Variants in GRAMD1B observed in about 807,000 individuals in gnomAD.
GRAMD1B encodes protein Aster-B.
GRAMD1B carries 37 observed loss-of-function variants against 99.7 expected under a neutral mutation model. The ratio of observed to expected loss-of-function variants is 0.37; its 90% CI spans 0.29 to 0.49. The LOEUF is 0.49. GRAMD1B is among the 20% of genes least tolerant of loss of function. The probability of loss-of-function intolerance (pLI) is 0.98; values close to 1 mark genes in which losing one functional copy is unlikely to be tolerated. For missense variants in GRAMD1B, 888 were observed against 1,009.2 expected, an observed-to-expected ratio of 0.88 and a Z score of 1.63; for synonymous variants, 427 against 387.6, an observed-to-expected ratio of 1.10 and a Z score of -1.19.
Position 123,594,220 on chromosome 11 carries a change from A to G in GRAMD1B, c.769+54A>G, listed in dbSNP as rs553799720. 4.0e-6 allele frequency: 5 copies of G among 1,241,082 alleles called. No individual in the cohort carries two copies. In the African/African-American group the frequency reaches 4.4e-5, roughly 11 times the overall value. The allele number at this position is 1,241,082 out of a possible 1,614,324, so 76.9% of individuals were successfully genotyped here. On this transcript the variant is annotated intron_variant, in intron 5 of 19. Transcript: ENST00000635736. ...GAAGGAAGTCTGGGGAGCCCCCGGCATAGCACTCAGGGTGCTTCTCTCTAG... is the reference window on the plus strand; with the variant it reads ...GAAGGAAGTCTGGGGAGCCCCCGGCGTAGCACTCAGGGTGCTTCTCTCTAG...
In GRAMD1B at chr11:123,624,270, C is replaced by G. The variant is rs905467468; in HGVS notation, c.*1675C>G. The G allele has an allele frequency of 6.6e-6, 1 of 152,242 alleles. No individual in the cohort carries two copies. The highest frequency in any genetic ancestry group is 2.4e-5 in the African/African-American group (1 of 41,466). The allele number at this position is 152,242 out of a possible 1,614,324, so 9.4% of individuals were successfully genotyped here. A position where few individuals can be genotyped will look rare whatever the true frequency, so the allele number is the denominator to read the frequency against. On this transcript the variant is annotated 3_prime_UTR_variant, in exon 20 of 20. Coordinates refer to ENST00000635736, the MANE Select transcript of GRAMD1B (RefSeq NM_001387025.1). ...AAAGACAGAAGATTTTATCACTCAT[C>G]TACCCCAAAGATAAAGTTGTATTTT... is the stretch of plus-strand genomic sequence containing the variant.
intron 2 of GRAMD1B, among the ~76,000 whole-genome samples, chr11:123,525,128 C>A (rs1040053938): frequency 6.6e-6 from 1 of 152,174 alleles, no homozygotes; most frequent in South Asian, 2.1e-4. Context: ...TTGTGGTCAC[C>A]TTAAAAGGAT....
intron 1 of GRAMD1B, among the ~76,000 whole-genome samples, chr11:123,471,708 A>G (rs1376107373): frequency 1.3e-5 from 2 of 152,186 alleles, no homozygotes; most frequent in Non-Finnish European, 2.9e-5. Flanking sequence ...ATTGCAATAG[A>G]TTAATTCATA....
At chr11:123,570,752 C>T (rs1417044678) in intron 2 of GRAMD1B, among the ~76,000 whole-genome samples, 1 of 152,254 alleles carries the variant, frequency 6.6e-6, no homozygotes, top group African/African-American at 2.4e-5. Context: ...ACCAGCAGCT[C>T]AAAAATATTT....
chr11:123,614,951 C>T, intron 17 of GRAMD1B, 116 bp downstream of exon 17: 3 of 600,534 alleles, frequency 5.0e-6, no homozygotes, highest in Non-Finnish European at 9.1e-6. Flanking sequence ...CTGGTTTTTG[C>T]CTTATCCTCT....
chr11:123,616,239 G>A (rs943187071), intron 17 of GRAMD1B, among the ~76,000 whole-genome samples: 23 of 152,154 alleles, frequency 1.5e-4, no homozygotes, highest in African/African-American at 5.3e-4. Flanking sequence ...GGAGAATGGC[G>A]TGAACCCGGG....
chr11:123,565,382 A>G (rs1042087780), intron 2 of GRAMD1B, among the ~76,000 whole-genome samples: 5 of 152,126 alleles, frequency 3.3e-5, no homozygotes, highest in African/African-American at 1.2e-4. Flanking sequence ...TGTGTGCCCA[A>G]TATCACATTT....
In GRAMD1B at chr11:123,436,804, C is replaced by T. The variant is rs181159276; in HGVS notation, c.374+5638C>T. ...TTTTAGGGTACATGTGCACAATGTG[C>T]AGGTTTGTTACATATGTATACATGT... On this transcript the variant is annotated intron_variant, in intron 1 of 19. Transcript: ENST00000635736. 1.4e-3 allele frequency among the ~76,000 whole-genome samples: 220 copies of T among 152,186 alleles called. 3 individuals are homozygous for T. The highest frequency in any genetic ancestry group is 5.2e-3 in the African/African-American group (216 of 41,520).
At chr11:123,397,351 G>A (rs944254784) in intron 1 of GRAMD1B, among the ~76,000 whole-genome samples, 1 of 152,152 alleles carries the variant, frequency 6.6e-6, no homozygotes, top group African/African-American at 2.4e-5. Flanking sequence ...GCAGTGCAGT[G>A]AGCTGAGATC....
upstream of GRAMD1B, among the ~76,000 whole-genome samples, chr11:123,429,205 C>CAAAAG (rs1324385318): frequency 3.3e-5 from 5 of 151,994 alleles, no homozygotes; most frequent in Admixed American, 1.3e-4. This position sits in a 1 kb window ranked among gnomAD's most constrained non-coding sequence, Gnocchi z 4.0. Flanking sequence ...AAAAACAAAA[C>CAAAAG]AAAACAAAAC....
chr11:123,571,802 T>C (rs1408244678), intron 2 of GRAMD1B, among the ~76,000 whole-genome samples: 1 of 152,166 alleles, frequency 6.6e-6, no homozygotes, highest in Non-Finnish European at 1.5e-5. Flanking sequence ...CCCTTGTTCA[T>C]GCTGTCCGCC....
chr11:123,426,215 A>G (rs940751421), upstream of GRAMD1B, among the ~76,000 whole-genome samples: 2 of 152,198 alleles, frequency 1.3e-5, no homozygotes, highest in African/African-American at 4.8e-5. Context: ...TGGGCCTTTA[A>G]GAGATCATCT....
chr11:123,403,429 AAAT>A (rs1461687112), intron 1 of GRAMD1B, among the ~76,000 whole-genome samples: 4 of 140,294 alleles, frequency 2.9e-5, no homozygotes, highest in African/African-American at 8.4e-5. Flanking sequence ...CTCAGTCTCA[AAAT>A]AATGATGATG....
chr11:123,579,181 C>T (rs1709890), intron 3 of GRAMD1B, among the ~76,000 whole-genome samples: 23,327 of 152,164 alleles, frequency 0.15, 2,170 homozygotes, highest in East Asian at 0.24. Flanking sequence ...AATTCTGAGG[C>T]CACAGGAGAA....
chr11:123,411,375 C>T (rs1461652279), intron 1 of GRAMD1B, among the ~76,000 whole-genome samples: 1 of 152,082 alleles, frequency 6.6e-6, no homozygotes, highest in East Asian at 1.9e-4. Context: ...TACCATGGTG[C>T]CTGGCATATA....
intron 3 of GRAMD1B, among the ~76,000 whole-genome samples, chr11:123,579,709 C>T (rs1182238614): frequency 6.6e-6 from 1 of 152,168 alleles, no homozygotes; most frequent in Admixed American, 6.5e-5. Context: ...ACTCCCTGCT[C>T]CTGCACACTT....
At chr11:123,377,994 C>T (rs1404781991) in intron 1 of GRAMD1B, among the ~76,000 whole-genome samples, 2 of 152,144 alleles carry the variant, frequency 1.3e-5, no homozygotes, top group Non-Finnish European at 2.9e-5. Context: ...GTCCTTTTTT[C>T]CCTGTTAGCA....
At chr11:123,360,794 TC>T (rs1946118606) in intron 1 of GRAMD1B, among the ~76,000 whole-genome samples, 1 of 135,934 alleles carries the variant, frequency 7.4e-6, no homozygotes, top group Non-Finnish European at 1.6e-5. Context: ...CTTCCTTCCT[TC>T]CTTCCTTCCT....
At chr11:123,548,349 C>CATATATAT (rs142360908) in intron 2 of GRAMD1B, among the ~76,000 whole-genome samples, 12 of 107,744 alleles carry the variant, frequency 1.1e-4, no homozygotes, top group African/African-American at 5.5e-4. Context: ...CACACACACA[C>CATATATAT]ATATATATAT....
Sources: allele counts gnomAD v4.1 joint callset (sites outside exome capture counted in the v4.1 genomes callset), GRCh38; gene constraint gnomAD v4.1.1; non-coding constraint Gnocchi (gnomAD v3.1); transcripts MANE v1.5; gene names NCBI Gene and HGNC (gene_info 2026-07-23, HGNC 2026-07-21).